ADCY9: variants seen among roughly 807,000 people sequenced by gnomAD.
ADCY9 encodes adenylate cyclase type 9.
A neutral mutation model predicts 101.5 loss-of-function variants in ADCY9; 50 were observed. That is an observed-to-expected ratio of 0.49 (90% confidence interval 0.39 to 0.62). The LOEUF (loss-of-function observed/expected upper bound fraction) is 0.62. Among genes scored for constraint, ADCY9 ranks in the 20% least tolerant of loss-of-function variants. ADCY9 has a pLI of 0.00. For missense variants in ADCY9, 1,662 were observed against 1,800.4 expected (o/e 0.92, Z 1.39); for synonymous variants, 905 against 769.3 (o/e 1.18, Z -2.92).
chr16:3,967,218 G>A (rs1464911022), intron 10 of ADCY9, among the ~76,000 whole-genome samples: 1 of 152,124 alleles, frequency 6.6e-6, no homozygotes, highest in African/African-American at 2.4e-5. Flanking sequence ...TTGCACTCCT[G>A]GGCTCAAGCA....
chr16:4,003,568 T>C (rs866140549), intron 3 of ADCY9, among the ~76,000 whole-genome samples: 249 of 123,652 alleles, frequency 2.0e-3, no homozygotes, highest in South Asian at 6.8e-3. Flanking sequence ...CTTTTCTTTT[T>C]TTTTTTTTTT....
intron 2 of ADCY9, among the ~76,000 whole-genome samples, chr16:4,104,787 G>C (rs1334345884): frequency 6.6e-6 from 1 of 152,162 alleles, no homozygotes; most frequent in Non-Finnish European, 1.5e-5. Context: ...AGAAAATTCA[G>C]CGAACACACT....
intron 10 of ADCY9, 125 bp from the exon 11 acceptor site, chr16:3,967,091 G>A: frequency 2.7e-6 from 2 of 748,746 alleles, no homozygotes; most frequent in Non-Finnish European, 4.4e-6. Context: ...CTGTCAAGCT[G>A]CCCATTCCTG....
chr16:4,086,886 C>A (rs1344831750), intron 2 of ADCY9, among the ~76,000 whole-genome samples: 1 of 152,052 alleles, frequency 6.6e-6, no homozygotes, highest in Non-Finnish European at 1.5e-5. Flanking sequence ...TCTCAAACCC[C>A]TGACCTCAGG....
At chr16:4,042,394 T>C (rs1429539688) in intron 2 of ADCY9, among the ~76,000 whole-genome samples, 1 of 152,104 alleles carries the variant, frequency 6.6e-6, no homozygotes, top group Non-Finnish European at 1.5e-5. Flanking sequence ...AGAGGAAAAA[T>C]ATATGGCTTC....
At chr16:3,975,587 C>T (rs1045411511) in intron 9 of ADCY9, among the ~76,000 whole-genome samples, 7 of 152,254 alleles carry the variant, frequency 4.6e-5, no homozygotes, top group Admixed American at 6.5e-5. Context: ...GCCACTCCAA[C>T]GGGGCATTTC....
At chr16:4,099,345 G>A (rs764032216) in intron 2 of ADCY9, among the ~76,000 whole-genome samples, 2 of 152,204 alleles carry the variant, frequency 1.3e-5, no homozygotes, top group Non-Finnish European at 2.9e-5. Context: ...TTGTAGGAAT[G>A]CAAATTAAAG....
At chr16:4,045,873 T>C (rs1243633632) in intron 2 of ADCY9, among the ~76,000 whole-genome samples, 7 of 98,266 alleles carry the variant, frequency 7.1e-5, no homozygotes, top group African/African-American at 3.7e-4. Flanking sequence ...TTCTTTCTTT[T>C]TTTTTTTTTT....
intron 5 of ADCY9, 146 bp from the exon 6 acceptor site, chr16:3,989,242 C>T (rs1391354770): frequency 1.7e-6 from 1 of 601,892 alleles, no homozygotes; most frequent in African/African-American, 1.8e-5. Context: ...AGACGCCACT[C>T]AGCTGCCCCT....
intron 2 of ADCY9, among the ~76,000 whole-genome samples, chr16:4,074,955 C>T (rs1013320269): frequency 6.6e-6 from 1 of 152,042 alleles, no homozygotes; most frequent in East Asian, 1.9e-4. Flanking sequence ...GCAGGAGGAT[C>T]GCTTGAGCCC....
intron 3 of ADCY9, among the ~76,000 whole-genome samples, chr16:4,001,863 C>T: frequency 6.6e-6 from 1 of 152,026 alleles, no homozygotes; most frequent in East Asian, 1.9e-4. Context: ...ATTCTCCTGC[C>T]TCAGTCTCCC....
intron 2 of ADCY9, among the ~76,000 whole-genome samples, chr16:4,035,997 T>G (rs1459265228): frequency 2.1e-4 from 1 of 4,870 alleles, no homozygotes. Flanking sequence ...AAACTCCATC[T>G]CAAAAAAAAA....
chr16:4,057,707 A>G (rs1257461124), intron 2 of ADCY9, among the ~76,000 whole-genome samples: 1 of 152,178 alleles, frequency 6.6e-6, no homozygotes, highest in Non-Finnish European at 1.5e-5. Flanking sequence ...TTTCTTGTTC[A>G]TTCTGAATAA....
chr16:3,966,471 G>T lies in ADCY9; in HGVS notation c.3366C>A (p.Thr1122=), dbSNP rs774968448. 2 of 1,613,960 alleles carry T rather than the reference G, an allele frequency of 1.2e-6. No homozygotes were observed. Among genetic ancestry groups the T allele is most frequent in the East Asian group, 2.2e-5 (1 of 44,896 alleles). The stretch of plus-strand genomic sequence containing the variant: ...GGTGGCTGCCGTCCTGGGCCTGCGC[G>T]GTGTTCAGCCCTGACGCCGCCATGT... ...ATYMAASGLN[T]AQAQDGSHPQ... The change falls in exon 11 of 11, where the codon ACC becomes ACA. Residue 1122 remains threonine, a synonymous_variant. Transcript: ENST00000294016.
chr16:4,088,299 T>C (rs1338729427), intron 2 of ADCY9, among the ~76,000 whole-genome samples: 1 of 152,028 alleles, frequency 6.6e-6, no homozygotes. Context: ...GGTTTGTTTT[T>C]GTCTTTGTTT....
intron 7 of ADCY9, among the ~76,000 whole-genome samples, chr16:3,980,427 G>A (rs116847697): frequency 1.3e-5 from 2 of 152,196 alleles, no homozygotes; most frequent in African/African-American, 4.8e-5. Flanking sequence ...GGGTCCTCGT[G>A]GGGAGACAGT....
intron 8 of ADCY9, 29 bp from the exon 9 acceptor site, chr16:3,977,659 G>A (rs1343372245): frequency 1.8e-5 from 28 of 1,593,826 alleles, no homozygotes; most frequent in Middle Eastern, 1.8e-4. Flanking sequence ...TAGGACAGCC[G>A]CCCAGGGCCA....
chr16:4,026,584 A>G (rs2056517000), intron 2 of ADCY9, among the ~76,000 whole-genome samples: 3 of 152,200 alleles, frequency 2.0e-5, no homozygotes, highest in African/African-American at 7.2e-5. Flanking sequence ...AAACCTGGAA[A>G]CCAACCTAAT....
Position 3,992,474 on chromosome 16 carries a change from G to T in ADCY9, c.1990-111C>A. ...GCTGCGGGGCGCTGCTGCACTGGGC[G>T]TGGGACTTTCTGACCTGCGAGGAAC... On this transcript the variant is annotated intron_variant, in intron 4 of 10. Transcript: ENST00000294016. This position sits in a 1 kb window ranked among gnomAD's most constrained non-coding sequence, Gnocchi z 4.2. The T allele has an allele frequency of 2.0e-6, 2 of 993,008 alleles. No homozygotes were observed. Among genetic ancestry groups the T allele is most frequent in the Non-Finnish European group, 2.9e-6 (2 of 678,758 alleles). 61.5% of individuals were successfully genotyped at this position (993,008 alleles called of 1,614,324 possible).
Sources: allele counts gnomAD v4.1 joint callset (sites outside exome capture counted in the v4.1 genomes callset), GRCh38; gene constraint gnomAD v4.1.1; non-coding constraint Gnocchi (gnomAD v3.1); transcripts MANE v1.5; gene names NCBI Gene and HGNC (gene_info 2026-07-23, HGNC 2026-07-21).